MSRB1: variants seen among roughly 807,000 people sequenced by gnomAD.
MSRB1 encodes methionine-R-sulfoxide reductase B1.
MSRB1 carries 13 observed loss-of-function variants against 15.2 expected under a neutral mutation model. That is an observed-to-expected ratio of 0.86 (90% confidence interval 0.56 to 1.36). The LOEUF is 1.36. Ranked by LOEUF, MSRB1 falls within the 40% of genes most tolerant of loss-of-function variation. The probability of loss-of-function intolerance (pLI) is 0.00; values close to 1 mark genes in which losing one functional copy is unlikely to be tolerated. For missense variants in MSRB1, 174 were observed against 155.9 expected (o/e 1.12, Z -0.62); for synonymous variants, 68 against 64.5 (o/e 1.05, Z -0.26).
chr16:1,941,439 C>A lies in MSRB1; in HGVS notation c.56-34G>T, dbSNP rs1161158483. On this transcript the variant is annotated intron_variant, in intron 1 of 3. Transcript: ENST00000361871. Reference sequence around the variant, plus strand: ...GAAGGAGAGGCAAATGTGGAGTCATCAGCTCCCGCCTTTCCGGGGTCAAGC... The same window carrying A: ...GAAGGAGAGGCAAATGTGGAGTCATAAGCTCCCGCCTTTCCGGGGTCAAGC... 3 of 1,573,514 alleles carry A rather than the reference C, an allele frequency of 1.9e-6. No individual in the cohort carries two copies. The African/African-American group carries it at 4.1e-5, about 21-fold the overall frequency.
At chr16:1,941,020 G>C (rs773952788) in intron 2 of MSRB1, 128 bp from the exon 3 acceptor site, 49 of 1,555,762 alleles carry the variant, frequency 3.1e-5, no homozygotes, top group Non-Finnish European at 3.9e-5. Context: ...GCCGACATAA[G>C]AGGTTGACCT....
At chr16:1,940,692 G>GT in intron 3 of MSRB1, 86 bp downstream of exon 3, 8 of 1,464,800 alleles carry the variant, frequency 5.5e-6, no homozygotes, top group Non-Finnish European at 7.4e-6. Flanking sequence ...CCTTGTCATG[G>GT]TAAGTGGACA....
Position 1,940,815 on chromosome 16 carries a change from G to C in MSRB1, c.282C>G (p.Phe94Leu). 6.2e-7 allele frequency: 1 copy of C among 1,614,086 alleles called. No homozygotes were observed. The highest frequency in any genetic ancestry group is 8.5e-7 in the Non-Finnish European group (1 of 1,180,018). ...ACTTCAGCGAGCTGCTGAATATTCA[G>C]AATCGGGACTGCCCCGGCTTGGGGC... ...NDGPKPGQSR[F>L]UIFSSSLKFV... The change falls in exon 3 of 4, where the codon TTC becomes TTG. Residue 94 changes from phenylalanine to leucine, a missense_variant. Coordinates refer to ENST00000361871, the MANE Select transcript of MSRB1 (RefSeq NM_016332.4).
chr16:1,943,191 C>A lies in MSRB1; in HGVS notation c.-35G>T. The stretch of plus-strand genomic sequence containing the variant: ...GGAACCGCAGCGCGCTTGCCGCTGC[C>A]AACTGACCAAAGGCTGCCGACCCGA... On this transcript the variant is annotated 5_prime_UTR_variant, in exon 1 of 4. Coordinates refer to ENST00000361871, the MANE Select transcript of MSRB1 (RefSeq NM_016332.4). The A allele has an allele frequency of 6.4e-7, 1 of 1,550,620 alleles. No individual in the cohort carries two copies. The highest frequency in any genetic ancestry group is 1.2e-5 in the South Asian group (1 of 84,196).
At chr16:1,940,917 G>C (rs368995810) in intron 2 of MSRB1, 25 bp from the exon 3 acceptor site, 12 of 1,613,740 alleles carry the variant, frequency 7.4e-6, no homozygotes, top group South Asian at 1.1e-5. Context: ...AGGCAGCTGG[G>C]TGAGCTTCTG....
Position 1,940,727 on chromosome 16 carries a change from C to G in MSRB1, c.319+51G>C, listed in dbSNP as rs374342988. ...AAGCACAAACACTGGGCCCCCCAGC[C>G]TGGGCTCAAAGGCCAACAGGCCTGG... On this transcript the variant is annotated intron_variant, in intron 3 of 3. Transcript: ENST00000361871. 292 of 1,570,670 alleles carry G rather than the reference C, an allele frequency of 1.9e-4. No individual in the cohort carries two copies. The African/African-American group carries it at 3.7e-3, about 20-fold the overall frequency.
Position 1,938,904 on chromosome 16 carries a change from A to T in MSRB1, c.*208T>A. 1.4e-6 allele frequency: 1 copy of T among 710,856 alleles called. No homozygotes were observed. The highest frequency in any genetic ancestry group is 1.7e-5 in the South Asian group (1 of 57,794). 44.0% of individuals were successfully genotyped at this position (710,856 alleles called of 1,614,324 possible). A position where few individuals can be genotyped will look rare whatever the true frequency, so the allele number is the denominator to read the frequency against. ...TGGCTGCACAGCCCAGGCCTGTCCC[A>T]GCAGAAGGCATGAACCATCAGCAAA... On this transcript the variant is annotated 3_prime_UTR_variant, in exon 4 of 4. Coordinates refer to ENST00000361871, the MANE Select transcript of MSRB1 (RefSeq NM_016332.4).
At position 1,941,405 on chromosome 16, in the gene MSRB1, C is replaced by T. The variant is rs986255103; in HGVS notation, c.56G>A (p.Gly19Asp). Residue 19 changes from glycine (G) to aspartate (D), a missense_variant and splice_region_variant, in exon 2 of 4, where the codon GGC (glycine) becomes GAC (aspartate). Physicochemically the swap from Gly to Asp is moderately conservative, Grantham distance 94. Transcript: ENST00000361871. ...GCCACACTTGGCACACACGTAAACGCCTGTGGTGGAAGGAGAGGCAAATGT... is the reference window on the plus strand; with the variant it reads ...GCCACACTTGGCACACACGTAAACGTCTGTGGTGGAAGGAGAGGCAAATGT... ...GEVFQNHFEPGVYVCAKCGYE... is the reference protein window; with the variant it reads ...GEVFQNHFEPDVYVCAKCGYE... The T allele has an allele frequency of 6.2e-7, 1 of 1,609,790 alleles. No individual in the cohort carries two copies.
chr16:1,942,726 G>T (rs1415495925), intron 1 of MSRB1, among the ~76,000 whole-genome samples: 1 of 152,238 alleles, frequency 6.6e-6, no homozygotes, highest in East Asian at 1.9e-4. Context: ...CAAGAACCTG[G>T]CCTCTCCGAA....
At chr16:1,942,491 T>G (rs988006269) in intron 1 of MSRB1, among the ~76,000 whole-genome samples, 2 of 152,220 alleles carry the variant, frequency 1.3e-5, no homozygotes, top group African/African-American at 4.8e-5. Context: ...TGGTCAAACT[T>G]CACGGGCTGT....
Position 1,938,874 on chromosome 16 carries a change from C to A in MSRB1, c.*238G>T. The A allele has an allele frequency of 1.7e-6, 1 of 603,646 alleles. No individual in the cohort carries two copies. The highest frequency in any genetic ancestry group is 2.9e-6 in the Non-Finnish European group (1 of 347,908). The allele number at this position is 603,646 out of a possible 1,614,324, so 37.4% of individuals were successfully genotyped here. On this transcript the variant is annotated 3_prime_UTR_variant, in exon 4 of 4. Transcript: ENST00000361871. ...GTGAGCAGGGGGCTAAGTCAGCCGA[C>A]AGTGTGGCTGCACAGCCCAGGCCTG... is the stretch of plus-strand genomic sequence containing the variant.
rs1213065822 is a variant in MSRB1 at position 1,943,172 on chromosome 16, G to A, written c.-16C>T. ...AGAACGACATGGCGCCACCGGAACC[G>A]CAGCGCGCTTGCCGCTGCCAACTGA... is the stretch of plus-strand genomic sequence containing the variant. On this transcript the variant is annotated 5_prime_UTR_variant, in exon 1 of 4. Transcript: ENST00000361871. 1.3e-6 allele frequency: 2 copies of A among 1,555,362 alleles called. No homozygotes were observed. The highest frequency in any genetic ancestry group is 8.7e-7 in the Non-Finnish European group (1 of 1,149,650).
At chr16:1,939,232 G>C in intron 3 of MSRB1, 89 bp from the exon 4 acceptor site, 2 of 1,411,012 alleles carry the variant, frequency 1.4e-6, no homozygotes, top group Non-Finnish European at 1.9e-6. Flanking sequence ...GGAAAGCCAG[G>C]GTAGGGGCAG....
At chr16:1,943,040 C>T (rs1353559417) in intron 1 of MSRB1, 62 bp downstream of exon 1, 3 of 1,540,144 alleles carry the variant, frequency 1.9e-6, no homozygotes, top group Non-Finnish European at 2.6e-6. Flanking sequence ...ACGACGGCGG[C>T]GCCCCCGCTA....
intron 3 of MSRB1, 30 bp downstream of exon 3, chr16:1,940,748 C>T (rs765891991): frequency 6.3e-7 from 1 of 1,595,942 alleles, no homozygotes; most frequent in East Asian, 2.2e-5. Context: ...GGCCAACAGG[C>T]CTGGCCCCAG....
chr16:1,939,905 GA>G (rs1025836730), intron 3 of MSRB1, among the ~76,000 whole-genome samples: 7 of 150,652 alleles, frequency 4.6e-5, no homozygotes, highest in African/African-American at 1.7e-4. Context: ...ATTGAGCTGA[GA>G]TTGGCCATTG....
In MSRB1 at chr16:1,938,980, G is replaced by C; in HGVS notation, c.*132C>G. On this transcript the variant is annotated 3_prime_UTR_variant, in exon 4 of 4. Transcript: ENST00000361871. ...AGGTCTTGTTCAGAGCCGGGGCCTTGGGAGTGTCCTGATGTTTCAACCACT... is the reference window on the plus strand; with the variant it reads ...AGGTCTTGTTCAGAGCCGGGGCCTTCGGAGTGTCCTGATGTTTCAACCACT... The C allele has an allele frequency of 8.6e-7, 1 of 1,169,164 alleles. No individual in the cohort carries two copies. The highest frequency in any genetic ancestry group is 1.2e-6 in the Non-Finnish European group (1 of 801,894). The allele number at this position is 1,169,164 out of a possible 1,614,324, so 72.4% of individuals were successfully genotyped here.
chr16:1,942,411 G>A (rs1481780450), intron 1 of MSRB1, among the ~76,000 whole-genome samples: 1 of 152,246 alleles, frequency 6.6e-6, no homozygotes, highest in Non-Finnish European at 1.5e-5. Context: ...GGCGAGCCCA[G>A]CCCAGAAGGG....
At position 1,941,273 on chromosome 16, in the gene MSRB1, C is replaced by A. The variant is rs770241137; in HGVS notation, c.188G>T (p.Arg63Ile). The change falls in exon 2 of 4, where the codon AGA becomes ATA. Residue 63 changes from arginine to isoleucine, a missense_variant. Physicochemically the swap from Arg to Ile is moderately conservative, Grantham distance 97 (BLOSUM62 -3). Transcript: ENST00000361871. The part of the protein sequence containing the change: ...DSVAKRPEHN[R>I]SEALKVSCGK... ...GCCTCTCACCTTCAAGGCTTCAGAT[C>A]TATTGTGCTCCGGACGCTTGGCCAC... 61 of 1,612,922 alleles carry A rather than the reference C, an allele frequency of 3.8e-5. No individual in the cohort carries two copies. Among genetic ancestry groups the A allele is most frequent in the Non-Finnish European group, 5.0e-5 (59 of 1,179,738 alleles).
Sources: allele counts gnomAD v4.1 joint callset (sites outside exome capture counted in the v4.1 genomes callset), GRCh38; gene constraint gnomAD v4.1.1; transcripts MANE v1.5; gene names NCBI Gene and HGNC (gene_info 2026-07-23, HGNC 2026-07-21).